The following MTNR1A variants were observed in gnomAD, a reference collection of about 807,000 sequenced individuals.
The protein encoded by MTNR1A is melatonin receptor 1A, also known as melatonin receptor type 1A.
Under a neutral mutation model 5.5 loss-of-function variants are expected in MTNR1A, and 7 were observed. The ratio of observed to expected loss-of-function variants is 1.28; its 90% CI spans 0.73 to 2.40. MTNR1A has a LOEUF of 2.40. Among genes scored for constraint, MTNR1A ranks in the 30% most tolerant of loss-of-function variants. The pLI, the probability that MTNR1A is intolerant of heterozygous loss-of-function variation, is 0.00. For synonymous variants in MTNR1A, 196 were observed against 202.7 expected (o/e 0.97, Z 0.28); for missense variants, 441 against 464.4 (o/e 0.95, Z 0.46).
intron 1 of MTNR1A, among the ~76,000 whole-genome samples, chr4:186,535,848 G>A (rs920878358): frequency 6.6e-6 from 1 of 152,132 alleles, no homozygotes; most frequent in Non-Finnish European, 1.5e-5. Flanking sequence ...ATTCTCCCAA[G>A]TCTATCTCAA....
At position 186,533,860 on chromosome 4, in the gene MTNR1A, T is replaced by C. The variant is rs761328609; in HGVS notation, c.882A>G (p.Ile294Met). Residue 294 changes from isoleucine (I) to methionine (M), a missense_variant, in exon 2 of 2, where the codon ATA (isoleucine) becomes ATG (methionine). Physicochemically the swap from Ile to Met is conservative, Grantham distance 10. Transcript: ENST00000307161. ...AYFNSCLNAI[I>M]YGLLNQNFRK... is the part of the protein sequence containing the mutation. ...TGAAATTTTGGTTCAGTAGCCCGTA[T>C]ATAATGGCATTGAGGCAGCTGTTGA... is the stretch of plus-strand genomic sequence containing the variant. 1.9e-6 allele frequency: 3 copies of C among 1,614,186 alleles called. No homozygotes were observed. Among genetic ancestry groups the C allele is most frequent in the Non-Finnish European group, 2.5e-6 (3 of 1,180,046 alleles).
At chr4:186,554,950 G>A (rs1407471824) in intron 1 of MTNR1A, among the ~76,000 whole-genome samples, 1 of 152,210 alleles carries the variant, frequency 6.6e-6, no homozygotes, top group African/African-American at 2.4e-5. Flanking sequence ...GTCCCCATAG[G>A]AAAGAGAACC....
rs1407542372 is a variant in MTNR1A, at chr4:186,555,222, G to A, written c.144C>T (p.Val48=). 4.4e-6 allele frequency: 7 copies of A among 1,591,576 alleles called. No homozygotes were observed. The highest frequency in any genetic ancestry group is 5.1e-6 in the Non-Finnish European group (6 of 1,169,712). ...IVVDILGNLL[V]ILSVYRNKKL... ...TCTTGTTCCGATACACCGACAGGAT[G>A]ACCAGGAGGTTGCCCAGGATGTCCA... The change falls in exon 1 of 2, where the codon GTC becomes GTT. Residue 48 remains valine, a synonymous_variant. Coordinates refer to ENST00000307161, the MANE Select transcript of MTNR1A (RefSeq NM_005958.4). This position sits in a 1 kb window ranked among gnomAD's most constrained non-coding sequence, Gnocchi z 4.1.
At chr4:186,542,337 C>T (rs1225498242) in intron 1 of MTNR1A, among the ~76,000 whole-genome samples, 1 of 152,216 alleles carries the variant, frequency 6.6e-6, no homozygotes, top group African/African-American at 2.4e-5. Context: ...AATCTTCCAG[C>T]AACCTAACAC....
chr4:186,539,100 C>T (rs993486121), intron 1 of MTNR1A, among the ~76,000 whole-genome samples: 5 of 151,656 alleles, frequency 3.3e-5, no homozygotes, highest in Middle Eastern at 6.3e-3. Flanking sequence ...ACCTGTAGTC[C>T]CAGCTACTAG....
chr4:186,539,980 A>G (rs1326994329), intron 1 of MTNR1A, among the ~76,000 whole-genome samples: 1 of 152,222 alleles, frequency 6.6e-6, no homozygotes, highest in Non-Finnish European at 1.5e-5. Context: ...CAAAAGAAAG[A>G]GGCTTAATGG....
intron 1 of MTNR1A, among the ~76,000 whole-genome samples, chr4:186,554,823 A>C (rs1409431644): frequency 2.0e-5 from 3 of 152,272 alleles, no homozygotes; most frequent in Middle Eastern, 3.4e-3. Context: ...ACTAAATCAC[A>C]TGTTAAGACC....
At chr4:186,553,452 T>A (rs1737302624) in intron 1 of MTNR1A, among the ~76,000 whole-genome samples, 1 of 152,188 alleles carries the variant, frequency 6.6e-6, no homozygotes, top group South Asian at 2.1e-4. Flanking sequence ...AGTTCTTAAG[T>A]TCTTCTTCAG....
chr4:186,537,254 T>TG (rs1365990292), intron 1 of MTNR1A, among the ~76,000 whole-genome samples: 1 of 152,146 alleles, frequency 6.6e-6, no homozygotes, highest in Non-Finnish European at 1.5e-5. Flanking sequence ...CATGTGTGCC[T>TG]GGGGGGTGTG....
chr4:186,550,407 G>GA (rs1737244321), intron 1 of MTNR1A, among the ~76,000 whole-genome samples: 1 of 152,104 alleles, frequency 6.6e-6, no homozygotes, highest in African/African-American at 2.4e-5. Flanking sequence ...CAAATATGTA[G>GA]AAAAAAGGGA....
intron 1 of MTNR1A, among the ~76,000 whole-genome samples, chr4:186,546,737 A>C: frequency 2.2e-5 from 3 of 139,458 alleles, no homozygotes; most frequent in African/African-American, 5.8e-5. Context: ...CTGTTCATAC[A>C]ACACACCATC....
chr4:186,555,441 C>T lies in MTNR1A; in HGVS notation c.-76G>A, dbSNP rs1363723213. 3.3e-6 allele frequency: 4 copies of T among 1,206,118 alleles called. No homozygotes were observed. The Admixed American group carries it at 1.3e-4, about 40-fold the overall frequency. 74.7% of individuals were successfully genotyped at this position (1,206,118 alleles called of 1,614,324 possible). A position where few individuals can be genotyped will look rare whatever the true frequency, so the allele number is the denominator to read the frequency against. ...GCCCGACCACTTGTTAAGGCTCCGC[C>T]CGGCGCTCCCCGCGCCCACGCCCCA... On this transcript the variant is annotated 5_prime_UTR_variant, in exon 1 of 2. Transcript: ENST00000307161. The surrounding 1 kb of genome is among the most constrained non-coding windows in gnomAD (Gnocchi z 4.1).
At chr4:186,551,662 T>C (rs1737269654) in intron 1 of MTNR1A, among the ~76,000 whole-genome samples, 1 of 152,006 alleles carries the variant, frequency 6.6e-6, no homozygotes, top group African/African-American at 2.4e-5. Context: ...AGAATCTAAG[T>C]TTATCCTTCT....
In MTNR1A at chr4:186,533,920, C is replaced by T. The variant is rs369862161; in HGVS notation, c.822G>A (p.Glu274=). ...DPASMVPRIP[E]WLFVASYYMA... is the part of the protein sequence containing the mutation. ...TGTAGTAACTGGCCACAAACAGCCA[C>T]TCTGGGATCCTAGGCACCATGCTGG... Residue 274 remains glutamate, a synonymous_variant, in exon 2 of 2, where the codon GAG becomes GAA. Transcript: ENST00000307161. 2.5e-5 allele frequency: 41 copies of T among 1,614,070 alleles called. No homozygotes were observed. Among genetic ancestry groups the T allele is most frequent in the Non-Finnish European group, 3.4e-5 (40 of 1,180,054 alleles).
Position 186,555,407 on chromosome 4 carries a change from C to T in MTNR1A, c.-42G>A. ...CCGGCCGCGGGGCCATCGCCCGCCT[C>T]GTCCGCCCGCCCGACCACTTGTTAA... On this transcript the variant is annotated 5_prime_UTR_variant, in exon 1 of 2. Transcript: ENST00000307161. This position sits in a 1 kb window ranked among gnomAD's most constrained non-coding sequence, Gnocchi z 4.1. 4 of 1,348,024 alleles carry T rather than the reference C, an allele frequency of 3.0e-6. No individual in the cohort carries two copies. Among genetic ancestry groups the T allele is most frequent in the South Asian group, 3.9e-5 (2 of 50,922 alleles). 83.5% of individuals were successfully genotyped at this position (1,348,024 alleles called of 1,614,324 possible). A position where few individuals can be genotyped will look rare whatever the true frequency, so the allele number is the denominator to read the frequency against.
In MTNR1A at chr4:186,534,469, G is replaced by T. The variant is rs377059126; in HGVS notation, c.273C>A (p.Asn91Lys). ...YPLVLMSIFN[N>K]GWNLGYLHCQ... is the part of the protein sequence containing the mutation. ...AGTGCAGATAGCCCAGGTTCCACCC[G>T]TTGTTAAATATCGACATCAGCACCA... Residue 91 changes from asparagine to lysine, a missense_variant, in exon 2 of 2, where the codon AAC becomes AAA. Physicochemically the swap from Asn to Lys is moderately conservative, Grantham distance 94. Coordinates refer to ENST00000307161, the MANE Select transcript of MTNR1A (RefSeq NM_005958.4). The T allele has an allele frequency of 2.5e-6, 4 of 1,614,120 alleles. No individual in the cohort carries two copies. The highest frequency in any genetic ancestry group is 3.4e-6 in the Non-Finnish European group (4 of 1,180,028).
intron 1 of MTNR1A, among the ~76,000 whole-genome samples, chr4:186,550,202 C>T (rs997523297): frequency 6.6e-6 from 1 of 152,154 alleles, no homozygotes; most frequent in African/African-American, 2.4e-5. Context: ...TTGAGAGGGG[C>T]AGAAGTGAGG....
At chr4:186,550,380 G>A (rs752497470) in intron 1 of MTNR1A, among the ~76,000 whole-genome samples, 19 of 152,188 alleles carry the variant, frequency 1.2e-4, no homozygotes, top group Non-Finnish European at 2.4e-4. Context: ...GGGTATTTCT[G>A]TCAGCGAGGC....
intron 1 of MTNR1A, among the ~76,000 whole-genome samples, chr4:186,542,408 C>T (rs1003184265): frequency 2.6e-5 from 4 of 152,154 alleles, no homozygotes; most frequent in African/African-American, 9.7e-5. Flanking sequence ...TTGCTTTTGA[C>T]TAAGGAATTC....
Sources: allele counts gnomAD v4.1 joint callset (sites outside exome capture counted in the v4.1 genomes callset), GRCh38; gene constraint gnomAD v4.1.1; non-coding constraint Gnocchi (gnomAD v3.1); transcripts MANE v1.5; gene names NCBI Gene and HGNC (gene_info 2026-07-23, HGNC 2026-07-21).